Variants in AKR1D1 observed in about 807,000 individuals in gnomAD.
AKR1D1 encodes aldo-keto reductase family 1 member D1, also known as delta(4)-3-ketosteroid 5-beta-reductase.
AKR1D1 carries 32 observed loss-of-function variants against 42.6 expected under a neutral mutation model. The observed-to-expected ratio is 0.75, with a 90% CI of 0.57 to 1.01. The LOEUF (loss-of-function observed/expected upper bound fraction) is 1.01, where lower values mean the gene tolerates loss of function less well. Among genes scored for constraint, AKR1D1 ranks in the 50% least tolerant of loss-of-function variants. The pLI is 0.00. For missense variants in AKR1D1, 364 were observed against 402.2 expected (o/e 0.91, Z 0.81); for synonymous variants, 123 against 135.5 (o/e 0.91, Z 0.64).
chr7:138,110,772 A>C (rs1198836783), intron 7 of AKR1D1, among the ~76,000 whole-genome samples: 3 of 152,110 alleles, frequency 2.0e-5, no homozygotes, highest in Non-Finnish European at 4.4e-5. Context: ...TAAACAAAAA[A>C]CCATGAGTTT....
intron 4 of AKR1D1, among the ~76,000 whole-genome samples, chr7:138,100,592 A>G (rs548766402): frequency 2.0e-5 from 3 of 152,180 alleles, no homozygotes; most frequent in Non-Finnish European, 2.9e-5. Flanking sequence ...TAAAGGAGTC[A>G]ATCCTAAACA....
intron 8 of AKR1D1, among the ~76,000 whole-genome samples, chr7:138,114,344 A>G (rs1013624287): frequency 6.6e-6 from 1 of 152,210 alleles, no homozygotes; most frequent in East Asian, 1.9e-4. Flanking sequence ...GTAGCTCTTT[A>G]TTCTCTAAAT....
intron 1 of AKR1D1, among the ~76,000 whole-genome samples, chr7:138,080,412 A>G (rs1585718181): frequency 6.6e-6 from 1 of 152,276 alleles, no homozygotes; most frequent in Non-Finnish European, 1.5e-5. Context: ...AAATTATGCA[A>G]TGCACTTGTT....
At chr7:138,090,317 T>G (rs1794038281) in intron 2 of AKR1D1, among the ~76,000 whole-genome samples, 1 of 152,132 alleles carries the variant, frequency 6.6e-6, no homozygotes, top group African/African-American at 2.4e-5. Context: ...TTACCAATTT[T>G]GCTTACCCTT....
At chr7:138,112,731 A>T (rs1038626) in intron 7 of AKR1D1, among the ~76,000 whole-genome samples, 122,755 of 150,838 alleles carry the variant, frequency 0.81, 50,362 homozygotes, top group African/African-American at 0.91. Context: ...ATCTATTAAT[A>T]ATTAAATATA....
chr7:138,085,582 T>C (rs993620150), intron 1 of AKR1D1, among the ~76,000 whole-genome samples: 2 of 151,744 alleles, frequency 1.3e-5, no homozygotes, highest in Non-Finnish European at 2.9e-5. Context: ...GTAGCTGGGA[T>C]TACAGGTGTC....
intron 3 of AKR1D1, among the ~76,000 whole-genome samples, chr7:138,096,615 C>T (rs1357024310): frequency 6.6e-6 from 1 of 152,212 alleles, no homozygotes; most frequent in Non-Finnish European, 1.5e-5. Context: ...CCAAAGTCAA[C>T]AAAGACTTTC....
chr7:138,087,893 C>CTT (rs757196207), intron 1 of AKR1D1, among the ~76,000 whole-genome samples: 2,980 of 137,680 alleles, frequency 0.022, 124 homozygotes, highest in African/African-American at 0.08. Context: ...CATTTCTTTT[C>CTT]TTTTTTTTTT....
intron 4 of AKR1D1, among the ~76,000 whole-genome samples, chr7:138,098,624 C>A (rs1213126159): frequency 6.6e-6 from 1 of 152,064 alleles, no homozygotes; most frequent in Non-Finnish European, 1.5e-5. Flanking sequence ...ACAGGAACAA[C>A]AACAAAAACC....
intron 4 of AKR1D1, among the ~76,000 whole-genome samples, chr7:138,100,462 T>C (rs769681478): frequency 7.9e-5 from 12 of 151,960 alleles, no homozygotes; most frequent in Non-Finnish European, 1.3e-4. Context: ...AGCAAAAGGA[T>C]AGAAAAAGAT....
At chr7:138,090,950 G>C (rs1286615469) in intron 2 of AKR1D1, among the ~76,000 whole-genome samples, 2 of 152,122 alleles carry the variant, frequency 1.3e-5, no homozygotes, top group African/African-American at 2.4e-5. Context: ...ATTTCACCAG[G>C]CTTTCACACC....
At chr7:138,106,534 T>A in intron 5 of AKR1D1, 74 bp from the exon 6 acceptor site, 2 of 1,141,004 alleles carry the variant, frequency 1.8e-6, no homozygotes, top group Non-Finnish European at 2.7e-6. Context: ...ATTGAAGAAT[T>A]TTTTTTAACA....
rs773054497 is a variant in AKR1D1 at position 138,105,414 on chromosome 7, G to A, written c.564G>A (p.Lys188=). 1 of 1,614,024 alleles carries A rather than the reference G, an allele frequency of 6.2e-7. No homozygotes were observed. Among genetic ancestry groups the A allele is most frequent in the Admixed American group, 1.7e-5 (1 of 60,024 alleles). ...TGAACAAGCCAGGACTCAAACACAA[G>A]CCAGTCAGCAACCAGGTACAGCCTA... ...LILNKPGLKH[K]PVSNQVECHP... The change falls in exon 5 of 9, where the codon AAG becomes AAA. Residue 188 remains lysine, a synonymous_variant. Coordinates refer to ENST00000242375, the MANE Select transcript of AKR1D1 (RefSeq NM_005989.4).
At chr7:138,113,471 G>A (rs552527693) in intron 7 of AKR1D1, among the ~76,000 whole-genome samples, 37 of 152,204 alleles carry the variant, frequency 2.4e-4, no homozygotes, top group Non-Finnish European at 4.1e-4. Context: ...AGAGCATTTG[G>A]AATTTCTTGT....
chr7:138,113,580 T>TA, intron 7 of AKR1D1, 110 bp from the exon 8 acceptor site: 1 of 902,896 alleles, frequency 1.1e-6, no homozygotes, highest in Non-Finnish European at 1.8e-6. Flanking sequence ...TGACTCCTCT[T>TA]AGACATTTGC....
At chr7:138,079,385 T>C (rs1276796468) in intron 1 of AKR1D1, among the ~76,000 whole-genome samples, 2 of 152,162 alleles carry the variant, frequency 1.3e-5, no homozygotes, top group African/African-American at 2.4e-5. Context: ...TTCCCCATTC[T>C]GATACTAGAC....
chr7:138,084,683 C>G (rs1562930591), intron 1 of AKR1D1, among the ~76,000 whole-genome samples: 1 of 152,046 alleles, frequency 6.6e-6, no homozygotes, highest in Non-Finnish European at 1.5e-5. Context: ...CCTATTTGAT[C>G]TTTCCGATTT....
chr7:138,089,704 C>T (rs1360778014), intron 2 of AKR1D1, among the ~76,000 whole-genome samples: 1 of 152,162 alleles, frequency 6.6e-6, no homozygotes, highest in Non-Finnish European at 1.5e-5. Context: ...TCAATATGGG[C>T]TGTATGTAAT....
intron 3 of AKR1D1, among the ~76,000 whole-genome samples, chr7:138,095,027 A>T (rs1213804726): frequency 1.3e-5 from 2 of 152,200 alleles, no homozygotes; most frequent in Non-Finnish European, 2.9e-5. Context: ...TTCCAATAAT[A>T]CCTGACTGTG....
Sources: allele counts gnomAD v4.1 joint callset (sites outside exome capture counted in the v4.1 genomes callset), GRCh38; gene constraint gnomAD v4.1.1; transcripts MANE v1.5; gene names NCBI Gene and HGNC (gene_info 2026-07-23, HGNC 2026-07-21).